Variants in PLEKHA7 observed in about 807,000 individuals in gnomAD.
PLEKHA7 encodes pleckstrin homology domain containing A7, also known as pleckstrin homology domain-containing family A member 7.
A neutral mutation model predicts 170.0 loss-of-function variants in PLEKHA7; 104 were observed. That is an observed-to-expected ratio of 0.61 (90% CI 0.52 to 0.72). The LOEUF is 0.72. Ranked by LOEUF, PLEKHA7 falls within the 30% of genes least tolerant of loss-of-function variation. The probability of loss-of-function intolerance (pLI) is 0.00; values close to 1 mark genes in which losing one functional copy is unlikely to be tolerated. For synonymous variants in PLEKHA7, 648 were observed against 660.8 expected, an observed-to-expected ratio of 0.98 and a Z score of 0.30; for missense variants, 1,615 against 1,671.7, an observed-to-expected ratio of 0.97 and a Z score of 0.59.
intron 3 of PLEKHA7, among the ~76,000 whole-genome samples, chr11:16,897,838 G>A (rs1374797458): frequency 6.6e-6 from 1 of 152,142 alleles, no homozygotes; most frequent in Non-Finnish European, 1.5e-5. Flanking sequence ...AGGCGATTAA[G>A]GAAATGTGCA....
At chr11:16,942,641 AGAT>A (rs754999857) in intron 3 of PLEKHA7, among the ~76,000 whole-genome samples, 3 of 152,222 alleles carry the variant, frequency 2.0e-5, no homozygotes, top group Non-Finnish European at 4.4e-5. Context: ...AGAAGGCCAA[AGAT>A]GATAAGGAAG....
intron 10 of PLEKHA7, among the ~76,000 whole-genome samples, chr11:16,824,858 C>G (rs392441): frequency 0.63 from 95,258 of 152,112 alleles, 30,388 homozygotes; most frequent in East Asian, 0.87. Flanking sequence ...TCAGCAGTAA[C>G]GTCATCTTAC....
intron 3 of PLEKHA7, among the ~76,000 whole-genome samples, chr11:16,949,274 G>A (rs939961751): frequency 2.6e-5 from 4 of 152,202 alleles, no homozygotes; most frequent in Admixed American, 6.5e-5. Context: ...CTGCAGGTGG[G>A]AAGGGGTGGC....
chr11:16,980,120 G>A lies in PLEKHA7; in HGVS notation c.221+33869C>T, dbSNP rs76764854. 1.6e-3 allele frequency among the ~76,000 whole-genome samples: 241 copies of A among 152,328 alleles called. 7 individuals are homozygous for A. The East Asian group carries it at 0.044, about 28-fold the overall frequency. On this transcript the variant is annotated intron_variant, in intron 3 of 26. Coordinates refer to ENST00000531066, the MANE Select transcript of PLEKHA7 (RefSeq NM_001329630.2). Reference sequence around the variant, plus strand: ...CCCTGATCCATGGAACCTCTTCAATGCTTGTTTCCTTCAAAGAAACTCAGT... The same window carrying A: ...CCCTGATCCATGGAACCTCTTCAATACTTGTTTCCTTCAAAGAAACTCAGT...
chr11:16,857,251 C>T (rs1426283519), intron 4 of PLEKHA7, among the ~76,000 whole-genome samples: 1 of 152,248 alleles, frequency 6.6e-6, no homozygotes, highest in Non-Finnish European at 1.5e-5. Flanking sequence ...GCAGCAGGAC[C>T]ACTGTAGTAG....
chr11:16,936,001 C>A (rs1255770080), intron 3 of PLEKHA7, among the ~76,000 whole-genome samples: 1 of 152,194 alleles, frequency 6.6e-6, no homozygotes, highest in African/African-American at 2.4e-5. Context: ...TGAAGACTGA[C>A]AATCTATGCA....
intron 16 of PLEKHA7, among the ~76,000 whole-genome samples, 173 bp from the exon 17 acceptor site, chr11:16,801,248 T>C (rs974809648): frequency 6.6e-6 from 1 of 152,214 alleles, no homozygotes; most frequent in African/African-American, 2.4e-5. Flanking sequence ...TCCTCTCATT[T>C]GTGCTCTGAC....
At chr11:16,983,682 A>G (rs1590784521) in intron 3 of PLEKHA7, among the ~76,000 whole-genome samples, 1 of 152,154 alleles carries the variant, frequency 6.6e-6, no homozygotes, top group Non-Finnish European at 1.5e-5. Flanking sequence ...CATGACTACT[A>G]AACAGAAGAT....
intron 3 of PLEKHA7, among the ~76,000 whole-genome samples, chr11:16,953,152 G>GA (rs1861508311): frequency 6.6e-6 from 1 of 152,224 alleles, no homozygotes; most frequent in Non-Finnish European, 1.5e-5. Context: ...AGATGCACAG[G>GA]AAGGGACAAT....
At chr11:16,861,532 C>T (rs566523821) in intron 4 of PLEKHA7, among the ~76,000 whole-genome samples, 1 of 152,104 alleles carries the variant, frequency 6.6e-6, no homozygotes, top group African/African-American at 2.4e-5. Flanking sequence ...GCCTGTAGTC[C>T]CACCTACTAG....
At chr11:16,874,053 G>A (rs1035098377) in intron 3 of PLEKHA7, among the ~76,000 whole-genome samples, 5 of 152,162 alleles carry the variant, frequency 3.3e-5, no homozygotes, top group Admixed American at 1.3e-4. Context: ...TCCACCTGGA[G>A]GGAAAAAAGC....
chr11:16,935,006 C>T lies in PLEKHA7; in HGVS notation c.222-63824G>A, dbSNP rs915008583. Among the ~76,000 whole-genome samples, 6 of 152,264 alleles carry T rather than the reference C, an allele frequency of 3.9e-5. No homozygotes were observed. In the East Asian group the frequency reaches 7.7e-4, roughly 20 times the overall value. ...TCTTAATGTACTACATGTGAATGGGCGATTTTCTGGCTCTTACCATTCAAA... is the reference window on the plus strand; with the variant it reads ...TCTTAATGTACTACATGTGAATGGGTGATTTTCTGGCTCTTACCATTCAAA... On this transcript the variant is annotated intron_variant, in intron 3 of 26. Coordinates refer to ENST00000531066, the MANE Select transcript of PLEKHA7 (RefSeq NM_001329630.2).
At chr11:17,007,660 G>T (rs546691909) in intron 3 of PLEKHA7, among the ~76,000 whole-genome samples, 1 of 148,814 alleles carries the variant, frequency 6.7e-6, no homozygotes, top group African/African-American at 2.5e-5. Context: ...GGCAACCTCC[G>T]CTTCCCAAGC....
chr11:16,979,332 A>C (rs1292541160), intron 3 of PLEKHA7, among the ~76,000 whole-genome samples: 1 of 152,128 alleles, frequency 6.6e-6, no homozygotes. Flanking sequence ...CCAGCCTCCC[A>C]ACCTGATTCT....
chr11:16,958,813 T>C (rs1292404607), intron 3 of PLEKHA7, among the ~76,000 whole-genome samples: 1 of 151,946 alleles, frequency 6.6e-6, no homozygotes, highest in Non-Finnish European at 1.5e-5. Flanking sequence ...ATTGCTCAAT[T>C]GCACAGCCGA....
intron 9 of PLEKHA7, among the ~76,000 whole-genome samples, chr11:16,828,994 T>C (rs1351002746): frequency 6.6e-6 from 1 of 151,866 alleles, no homozygotes; most frequent in African/African-American, 2.4e-5. Context: ...TTTCTGGTTG[T>C]GAATAAATAA....
At chr11:16,934,400 G>T (rs1860145677) in intron 3 of PLEKHA7, among the ~76,000 whole-genome samples, 1 of 152,056 alleles carries the variant, frequency 6.6e-6, no homozygotes, top group Non-Finnish European at 1.5e-5. Context: ...TCAGGTAGAG[G>T]TTTGGAGGGG....
chr11:16,877,746 A>G (rs550624824), intron 3 of PLEKHA7, among the ~76,000 whole-genome samples: 2 of 152,344 alleles, frequency 1.3e-5, no homozygotes, highest in East Asian at 3.9e-4. Flanking sequence ...GCCCTAAGCA[A>G]CAAGTCAGCC....
intron 13 of PLEKHA7, among the ~76,000 whole-genome samples, chr11:16,804,437 C>T (rs1848810933): frequency 6.6e-6 from 1 of 152,168 alleles, no homozygotes; most frequent in African/African-American, 2.4e-5. Context: ...AATTGGCAAA[C>T]ATTCCACTCA....
Sources: allele counts gnomAD v4.1 joint callset (sites outside exome capture counted in the v4.1 genomes callset), GRCh38; gene constraint gnomAD v4.1.1; transcripts MANE v1.5; gene names NCBI Gene and HGNC (gene_info 2026-07-23, HGNC 2026-07-21).